CD2AP: variants seen among roughly 807,000 people sequenced by gnomAD.
CD2AP encodes CD2-associated protein.
CD2AP carries 46 observed loss-of-function variants against 85.1 expected under a neutral mutation model. That is an observed-to-expected ratio of 0.54 (90% CI 0.43 to 0.69). The LOEUF (loss-of-function observed/expected upper bound fraction) is 0.69. Ranked by LOEUF, CD2AP falls within the 30% of genes least tolerant of loss-of-function variation. The pLI, the probability that CD2AP is intolerant of heterozygous loss-of-function variation, is 0.00. For missense variants in CD2AP, 769 were observed against 729.5 expected (o/e 1.05, Z -0.62); for synonymous variants, 255 against 252.9 (o/e 1.01, Z -0.08).
In CD2AP at chr6:47,625,189, A is replaced by G. The variant is rs1421959048; in HGVS notation, c.*962A>G. On this transcript the variant is annotated 3_prime_UTR_variant, in exon 18 of 18. Coordinates refer to ENST00000359314, the MANE Select transcript of CD2AP (RefSeq NM_012120.3). ...TTCATGTTTCTCCTTCTGACTTTTA[A>G]TAATGGTAATAGGAAAACAAAACCC... The G allele has an allele frequency of 6.6e-6, 1 of 151,898 alleles. No individual in the cohort carries two copies. The highest frequency in any genetic ancestry group is 1.5e-5 in the Non-Finnish European group (1 of 67,812). 9.4% of individuals were successfully genotyped at this position (151,898 alleles called of 1,614,324 possible).
rs886061513 is a variant in CD2AP at position 47,478,048 on chromosome 6, C to T, written c.-197C>T. The T allele has an allele frequency of 6.2e-4, 423 of 685,590 alleles. 2 individuals carry two copies. Among genetic ancestry groups the T allele is most frequent in the Middle Eastern group, 8.1e-4 (2 of 2,474 alleles). 42.5% of individuals were successfully genotyped at this position (685,590 alleles called of 1,614,324 possible). ...GGAGCTGTCGCCGCCTTTGCCTCTG[C>T]CTCGAGGGCCGCGCTGAAGAGACTG... On this transcript the variant is annotated 5_prime_UTR_variant, in exon 1 of 18. Coordinates refer to ENST00000359314, the MANE Select transcript of CD2AP (RefSeq NM_012120.3).
chr6:47,528,275 A>T (rs775425376), intron 2 of CD2AP, among the ~76,000 whole-genome samples: 2 of 152,140 alleles, frequency 1.3e-5, no homozygotes, highest in Non-Finnish European at 2.9e-5. Context: ...CCTGGGTTCA[A>T]GTGATTCTCA....
At chr6:47,551,275 G>A (rs193050645) in intron 4 of CD2AP, among the ~76,000 whole-genome samples, 99 of 152,106 alleles carry the variant, frequency 6.5e-4, no homozygotes, top group African/African-American at 2.3e-3. Flanking sequence ...ACAGTTGAAG[G>A]TCATGTTTTC....
Position 47,554,815 on chromosome 6 carries a change from G to A in CD2AP, c.541+49G>A, listed in dbSNP as rs201727632. On this transcript the variant is annotated intron_variant, in intron 5 of 17. Transcript: ENST00000359314. ...AATTGATTTAAATAAACTTTATATA[G>A]CATCTAGTGTTTTATTTTGTATTTT... 1.0e-4 allele frequency: 151 copies of A among 1,475,534 alleles called. No individual in the cohort carries two copies. The African/African-American group carries it at 1.9e-3, about 18-fold the overall frequency. The allele number at this position is 1,475,534 out of a possible 1,614,324, so 91.4% of individuals were successfully genotyped here.
intron 2 of CD2AP, among the ~76,000 whole-genome samples, chr6:47,512,398 G>T (rs1284843897): frequency 6.6e-6 from 1 of 152,166 alleles, no homozygotes; most frequent in Non-Finnish European, 1.5e-5. Context: ...AATATGGAGT[G>T]TGGATGGTGG....
At chr6:47,572,242 G>A (rs187847668) in intron 5 of CD2AP, among the ~76,000 whole-genome samples, 4 of 152,304 alleles carry the variant, frequency 2.6e-5, no homozygotes, top group Non-Finnish European at 5.9e-5. Flanking sequence ...AGCAGGGGCC[G>A]GGCGCAGTGA....
chr6:47,597,236 A>G (rs1429214025), intron 12 of CD2AP, among the ~76,000 whole-genome samples: 1 of 150,878 alleles, frequency 6.6e-6, no homozygotes, highest in Non-Finnish European at 1.5e-5. Context: ...GCTAGGCATC[A>G]TGGAGAAAGC....
intron 11 of CD2AP, among the ~76,000 whole-genome samples, chr6:47,595,560 C>T (rs1582604154): frequency 6.6e-6 from 1 of 151,952 alleles, no homozygotes; most frequent in East Asian, 1.9e-4. Flanking sequence ...TTGAGATAGA[C>T]TACTACACTT....
chr6:47,587,214 C>T (rs974017210), intron 11 of CD2AP, among the ~76,000 whole-genome samples: 3 of 152,076 alleles, frequency 2.0e-5, no homozygotes, highest in African/African-American at 7.2e-5. Flanking sequence ...GGAAATAAAG[C>T]ATTTTTCATT....
chr6:47,620,058 T>C (rs1202233946), intron 17 of CD2AP, among the ~76,000 whole-genome samples: 1 of 152,358 alleles, frequency 6.6e-6, no homozygotes, highest in East Asian at 1.9e-4. Flanking sequence ...ATGCAAAAGC[T>C]CTTTAATTAG....
chr6:47,514,347 T>G (rs1341312204), intron 2 of CD2AP, among the ~76,000 whole-genome samples: 2 of 152,208 alleles, frequency 1.3e-5, no homozygotes, highest in African/African-American at 2.4e-5. Flanking sequence ...TTTGTTATGT[T>G]TAAGAAGTAA....
intron 4 of CD2AP, among the ~76,000 whole-genome samples, chr6:47,548,963 T>C (rs967694204): frequency 2.9e-4 from 44 of 152,132 alleles, no homozygotes; most frequent in Non-Finnish European, 8.8e-5. Flanking sequence ...CACATGATCA[T>C]CTCAATAGAT....
intron 5 of CD2AP, among the ~76,000 whole-genome samples, chr6:47,569,267 C>T (rs556521056): frequency 6.6e-5 from 10 of 152,166 alleles, no homozygotes; most frequent in Admixed American, 3.3e-4. Flanking sequence ...TGGTGGTTAT[C>T]AGCACAATAG....
chr6:47,478,388 C>A, intron 1 of CD2AP, 140 bp downstream of exon 1: 1 of 967,036 alleles, frequency 1.0e-6, no homozygotes, highest in Non-Finnish European at 1.6e-6. Context: ...CTCCCCACCG[C>A]CCCTTCTTGC....
intron 2 of CD2AP, among the ~76,000 whole-genome samples, chr6:47,504,069 C>A (rs114385756): frequency 6.6e-6 from 1 of 152,170 alleles, no homozygotes; most frequent in Non-Finnish European, 1.5e-5. Flanking sequence ...GTATTCTAGT[C>A]GCTTCTGCCA....
chr6:47,618,762 T>C lies in CD2AP; in HGVS notation c.1879-5424T>C, dbSNP rs192630819. 4.5e-4 allele frequency among the ~76,000 whole-genome samples: 68 copies of C among 152,344 alleles called. No homozygotes were observed. In the East Asian group the frequency reaches 7.3e-3, roughly 16 times the overall value. ...AAAAATTATGACAAGAGTCAAATTGTTTCTCTTTTGGATAATTCAGTATGA... is the reference window on the plus strand; with the variant it reads ...AAAAATTATGACAAGAGTCAAATTGCTTCTCTTTTGGATAATTCAGTATGA... On this transcript the variant is annotated intron_variant, in intron 17 of 17. Coordinates refer to ENST00000359314, the MANE Select transcript of CD2AP (RefSeq NM_012120.3).
At position 47,625,883 on chromosome 6, in the gene CD2AP, C is replaced by G. The variant is rs891848777; in HGVS notation, c.*1656C>G. Reference sequence around the variant, plus strand: ...TTAGAACTCTTCAAAATGGGCTCTTCTAATGAGGTCACTACTGAACAAAAT... The same window carrying G: ...TTAGAACTCTTCAAAATGGGCTCTTGTAATGAGGTCACTACTGAACAAAAT... On this transcript the variant is annotated 3_prime_UTR_variant, in exon 18 of 18. Transcript: ENST00000359314. The G allele has an allele frequency of 2.0e-5, 3 of 151,788 alleles. No individual in the cohort carries two copies. Among genetic ancestry groups the G allele is most frequent in the Non-Finnish European group, 4.4e-5 (3 of 67,748 alleles). 9.4% of individuals were successfully genotyped at this position (151,788 alleles called of 1,614,324 possible). A position where few individuals can be genotyped will look rare whatever the true frequency, so the allele number is the denominator to read the frequency against.
At chr6:47,512,021 A>G (rs1307509819) in intron 2 of CD2AP, among the ~76,000 whole-genome samples, 2 of 151,922 alleles carry the variant, frequency 1.3e-5, no homozygotes, top group East Asian at 1.9e-4. Flanking sequence ...AGCTGGGCGT[A>G]GTGGCGGGCG....
rs557767612 is a variant in CD2AP, at chr6:47,625,821, G to A, written c.*1594G>A. The stretch of plus-strand genomic sequence containing the variant: ...GTTTAATTTACAACTTACATTAGGG[G>A]TTTGGGGGAATGCTAATTATATATT... On this transcript the variant is annotated 3_prime_UTR_variant, in exon 18 of 18. Transcript: ENST00000359314. The A allele has an allele frequency of 7.9e-5, 12 of 151,734 alleles. No individual in the cohort carries two copies. The highest frequency in any genetic ancestry group is 2.6e-4 in the Admixed American group (4 of 15,244). 9.4% of individuals were successfully genotyped at this position (151,734 alleles called of 1,614,324 possible). A position where few individuals can be genotyped will look rare whatever the true frequency, so the allele number is the denominator to read the frequency against.
Sources: gnomAD v4.1 joint callset for allele counts (sites outside exome capture counted in the v4.1 genomes callset) on GRCh38, gnomAD v4.1.1 for gene constraint, MANE v1.5 for transcripts, NCBI Gene and HGNC (gene_info 2026-07-23, HGNC 2026-07-21) for gene names.